OPCML: variants seen among roughly 807,000 people sequenced by gnomAD.
OPCML encodes opioid binding protein/cell adhesion molecule like.
A neutral mutation model predicts 37.8 loss-of-function variants in OPCML; 13 were observed. The ratio of observed to expected loss-of-function variants is 0.34; its 90% CI spans 0.22 to 0.55. The LOEUF is 0.55. Ranked by LOEUF, OPCML falls within the 20% of genes least tolerant of loss-of-function variation. The probability of loss-of-function intolerance (pLI) is 0.91; values close to 1 mark genes in which losing one functional copy is unlikely to be tolerated. For missense variants in OPCML, 341 were observed against 435.6 expected, an observed-to-expected ratio of 0.78 and a Z score of 1.93; for synonymous variants, 176 against 168.8, an observed-to-expected ratio of 1.04 and a Z score of -0.33.
chr11:133,038,497 T>C (rs1170197855), intron 1 of OPCML, among the ~76,000 whole-genome samples: 3 of 152,242 alleles, frequency 2.0e-5, no homozygotes, highest in Admixed American at 6.5e-5. Flanking sequence ...AAAAGATTCA[T>C]TATTTTAATT....
At chr11:133,034,900 G>A (rs530432204) in intron 1 of OPCML, among the ~76,000 whole-genome samples, 3 of 147,746 alleles carry the variant, frequency 2.0e-5, no homozygotes, top group Admixed American at 6.7e-5. Context: ...GCGCTGGTTC[G>A]CACGGGCACC....
At chr11:133,469,106 G>A (rs1246379852) in intron 1 of OPCML, among the ~76,000 whole-genome samples, 1 of 152,130 alleles carries the variant, frequency 6.6e-6, no homozygotes, top group African/African-American at 2.4e-5. Context: ...TCTAAGGTAT[G>A]AATGACTAGA....
intron 2 of OPCML, among the ~76,000 whole-genome samples, chr11:132,704,437 G>T (rs552452233): frequency 1.3e-5 from 2 of 152,316 alleles, no homozygotes; most frequent in East Asian, 3.9e-4. Flanking sequence ...TAGCAGTAAG[G>T]CAGGTCTAGA....
chr11:133,449,312 G>C (rs979906178), intron 1 of OPCML, among the ~76,000 whole-genome samples: 3 of 152,186 alleles, frequency 2.0e-5, no homozygotes, highest in Admixed American at 6.5e-5. Flanking sequence ...CAACTACTCA[G>C]CTTTACCATT....
chr11:132,559,427 A>G (rs1489328212), intron 3 of OPCML, among the ~76,000 whole-genome samples: 1 of 152,202 alleles, frequency 6.6e-6, no homozygotes, highest in Admixed American at 6.5e-5. Context: ...CTTTTAAGGA[A>G]GTGTTTAAGA....
intron 2 of OPCML, among the ~76,000 whole-genome samples, chr11:132,691,737 G>A (rs1232433631): frequency 1.3e-5 from 2 of 152,150 alleles, no homozygotes; most frequent in African/African-American, 4.8e-5. Flanking sequence ...TACCAAGTCT[G>A]ATGAACATCT....
intron 1 of OPCML, among the ~76,000 whole-genome samples, chr11:133,150,153 T>C (rs989519737): frequency 3.3e-5 from 5 of 152,250 alleles, no homozygotes; most frequent in Non-Finnish European, 7.3e-5. Flanking sequence ...TTCTGTGTCT[T>C]TATTCTCCAC....
At chr11:132,818,612 A>AGATAGAT (rs1565886084) in intron 2 of OPCML, among the ~76,000 whole-genome samples, 2 of 46,580 alleles carry the variant, frequency 4.3e-5, no homozygotes, top group South Asian at 7.0e-4. Flanking sequence ...GATAGATGAT[A>AGATAGAT]GATAGATAGA....
At chr11:132,506,744 C>CA (rs1274807815) in intron 4 of OPCML, among the ~76,000 whole-genome samples, 1 of 151,708 alleles carries the variant, frequency 6.6e-6, no homozygotes, top group Non-Finnish European at 1.5e-5. Flanking sequence ...ATATTTATTT[C>CA]AAAAAACTAT....
chr11:133,134,563 T>C (rs918447066), intron 1 of OPCML, among the ~76,000 whole-genome samples: 1 of 152,180 alleles, frequency 6.6e-6, no homozygotes, highest in Non-Finnish European at 1.5e-5. Flanking sequence ...CAGTCACCCC[T>C]TGGGGGATGA....
At chr11:133,143,070 A>G (rs1428528713) in intron 1 of OPCML, among the ~76,000 whole-genome samples, 1 of 152,144 alleles carries the variant, frequency 6.6e-6, no homozygotes, top group African/African-American at 2.4e-5. Flanking sequence ...TATCTACTCC[A>G]TGTGAGGGGC....
intron 1 of OPCML, among the ~76,000 whole-genome samples, chr11:133,498,027 G>T (rs1947822468): frequency 6.6e-6 from 1 of 152,208 alleles, no homozygotes; most frequent in African/African-American, 2.4e-5. Flanking sequence ...AACATCAGCT[G>T]CACTTGTATA....
chr11:133,266,367 A>G (rs1045815865), intron 1 of OPCML, among the ~76,000 whole-genome samples: 1 of 152,030 alleles, frequency 6.6e-6, no homozygotes, highest in Admixed American at 6.6e-5. Context: ...CAAGACCCCC[A>G]ATCTTTCATG....
At chr11:132,634,782 A>C (rs1032636752) in intron 3 of OPCML, among the ~76,000 whole-genome samples, 4 of 152,182 alleles carry the variant, frequency 2.6e-5, no homozygotes, top group Admixed American at 2.0e-4. Flanking sequence ...TATCACTTAG[A>C]ATCAAGTGGC....
chr11:132,879,282 G>A (rs1386670355), intron 2 of OPCML, among the ~76,000 whole-genome samples: 1 of 152,178 alleles, frequency 6.6e-6, no homozygotes, highest in Non-Finnish European at 1.5e-5. Context: ...AAATCATACA[G>A]CTGATGCTAC....
intron 3 of OPCML, among the ~76,000 whole-genome samples, chr11:132,607,347 A>G (rs1248172489): frequency 6.6e-6 from 1 of 152,186 alleles, no homozygotes; most frequent in Non-Finnish European, 1.5e-5. Flanking sequence ...ATAATCTATA[A>G]CTGGACTGTA....
intron 3 of OPCML, among the ~76,000 whole-genome samples, chr11:132,626,838 CTCTCTCTCTT>C (rs1939775203): frequency 7.3e-6 from 1 of 136,932 alleles, no homozygotes; most frequent in Non-Finnish European, 1.6e-5. Context: ...CTCTCTCTCT[CTCTCTCTCTT>C]TCTGTGTGTC....
chr11:132,520,312 C>T (rs2096289666), intron 4 of OPCML, among the ~76,000 whole-genome samples: 1 of 152,150 alleles, frequency 6.6e-6, no homozygotes, highest in South Asian at 2.1e-4. Context: ...AGGTTCTTTT[C>T]ATAAAGCTAC....
intron 2 of OPCML, among the ~76,000 whole-genome samples, chr11:132,705,317 A>G (rs1354279031): frequency 6.6e-6 from 1 of 152,010 alleles, no homozygotes; most frequent in Non-Finnish European, 1.5e-5. Flanking sequence ...CTGGCTGGGC[A>G]CTGTGGTTCA....
Sources: gnomAD v4.1 joint callset for allele counts (sites outside exome capture counted in the v4.1 genomes callset) on GRCh38, gnomAD v4.1.1 for gene constraint, MANE v1.5 for transcripts, NCBI Gene and HGNC (gene_info 2026-07-23, HGNC 2026-07-21) for gene names.